The following FOXP1 variants were observed in gnomAD, a reference collection of about 807,000 sequenced individuals.
FOXP1 encodes the protein forkhead box protein P1.
FOXP1 carries 15 observed loss-of-function variants against 98.2 expected under a neutral mutation model. That is an observed-to-expected ratio of 0.15 (90% CI 0.10 to 0.24). The LOEUF is 0.24. Among genes scored for constraint, FOXP1 ranks in the 10% least tolerant of loss-of-function variants. FOXP1 has a pLI of 1.00. For synonymous variants in FOXP1, 371 were observed against 314.5 expected (o/e 1.18, Z -1.90); for missense variants, 633 against 848.5 (o/e 0.75, Z 3.15).
intron 3 of FOXP1, among the ~76,000 whole-genome samples, chr3:71,404,727 T>C (rs1017898193): frequency 1.3e-5 from 2 of 152,170 alleles, no homozygotes; most frequent in Non-Finnish European, 2.9e-5. Flanking sequence ...ATTGTATACT[T>C]TCACCTTTTC....
intron 11 of FOXP1, 60 bp from the exon 12 acceptor site, chr3:71,015,713 G>A: frequency 8.1e-7 from 1 of 1,239,380 alleles, no homozygotes; most frequent in Non-Finnish European, 1.2e-6. Flanking sequence ...CATTCCACCA[G>A]ACGAGGATAA....
chr3:71,162,489 T>A (rs934687139), intron 6 of FOXP1, among the ~76,000 whole-genome samples: 2 of 152,262 alleles, frequency 1.3e-5, no homozygotes, highest in African/African-American at 4.8e-5. Flanking sequence ...TTAAGATGGT[T>A]AAGACTTTTT....
intron 7 of FOXP1, among the ~76,000 whole-genome samples, chr3:71,067,989 T>TTA (rs1553721699): frequency 0.15 from 19,698 of 134,522 alleles, 1,481 homozygotes; most frequent in East Asian, 0.27. Flanking sequence ...TGGATAATTA[T>TTA]AAAAAAAAAA....
intron 3 of FOXP1, among the ~76,000 whole-genome samples, chr3:71,414,671 G>A (rs2083069920): frequency 6.6e-6 from 1 of 152,208 alleles, no homozygotes; most frequent in African/African-American, 2.4e-5. Context: ...AAGGGGAGAG[G>A]GCACGAGGAG....
chr3:71,184,292 T>C (rs376190366), intron 6 of FOXP1, among the ~76,000 whole-genome samples: 33 of 152,350 alleles, frequency 2.2e-4, no homozygotes, highest in African/African-American at 7.9e-4. Flanking sequence ...AGCCTCTTGA[T>C]GTCCAATGCC....
chr3:71,288,995 T>G (rs1576787177), intron 5 of FOXP1, among the ~76,000 whole-genome samples: 1 of 151,904 alleles, frequency 6.6e-6, no homozygotes, highest in Non-Finnish European at 1.5e-5. Flanking sequence ...CTTGGCAGAA[T>G]TTGATATGGC....
intron 5 of FOXP1, among the ~76,000 whole-genome samples, chr3:71,204,625 G>A (rs1224403432): frequency 1.3e-5 from 2 of 152,186 alleles, no homozygotes; most frequent in African/African-American, 4.8e-5. Context: ...GCAATGAGGA[G>A]ATGAGGCACT....
At chr3:70,965,749 A>G (rs2034627405) in intron 20 of FOXP1, 141 bp downstream of exon 20, 5 of 855,268 alleles carry the variant, frequency 5.8e-6, no homozygotes, top group South Asian at 1.4e-5. Context: ...CATTTCTTGA[A>G]GTACAAACTT....
intron 6 of FOXP1, among the ~76,000 whole-genome samples, chr3:71,122,598 G>T (rs1264285069): frequency 6.6e-6 from 1 of 152,180 alleles, no homozygotes; most frequent in South Asian, 2.1e-4. Flanking sequence ...ACACTGTATT[G>T]AATTGCTTAC....
At chr3:71,549,047 A>G (rs1206410264) in intron 2 of FOXP1, among the ~76,000 whole-genome samples, 1 of 152,202 alleles carries the variant, frequency 6.6e-6, no homozygotes, top group East Asian at 1.9e-4. Context: ...ACTGCCTCAA[A>G]GGTGTATTAA....
intron 3 of FOXP1, among the ~76,000 whole-genome samples, chr3:71,458,879 C>T (rs1233528936): frequency 6.6e-6 from 1 of 152,216 alleles, no homozygotes; most frequent in Non-Finnish European, 1.5e-5. Flanking sequence ...CTTCACAGCA[C>T]TGACAGTCAC....
rs773791454 is a variant in FOXP1 at position 71,274,699 on chromosome 3, C to T, written c.-12+25121G>A. On this transcript the variant is annotated intron_variant, in intron 5 of 20. Transcript: ENST00000649528. ...TTAGCATTACAGGAGACAAGCCATACGGAATCGAAAGTCAGGAGTCAGAAG... is the reference window on the plus strand; with the variant it reads ...TTAGCATTACAGGAGACAAGCCATATGGAATCGAAAGTCAGGAGTCAGAAG... 1.6e-4 allele frequency among the ~76,000 whole-genome samples: 24 copies of T among 152,136 alleles called. 1 individual carries two copies. Among genetic ancestry groups the T allele is most frequent in the Admixed American group, 1.0e-3 (16 of 15,270 alleles).
chr3:71,577,160 G>C (rs2047786152), intron 2 of FOXP1, among the ~76,000 whole-genome samples: 2 of 152,122 alleles, frequency 1.3e-5, no homozygotes, highest in Non-Finnish European at 2.9e-5. Context: ...CAAACTGACT[G>C]TAATTAATAA....
intron 3 of FOXP1, among the ~76,000 whole-genome samples, chr3:71,362,271 A>C (rs1223484491): frequency 6.6e-6 from 1 of 152,142 alleles, no homozygotes; most frequent in Non-Finnish European, 1.5e-5. Flanking sequence ...TCCTGGGTTC[A>C]AGCAATTCTT....
chr3:71,352,493 A>AC (rs2077863948), intron 4 of FOXP1, among the ~76,000 whole-genome samples: 2 of 149,844 alleles, frequency 1.3e-5, no homozygotes, highest in Non-Finnish European at 3.0e-5. Flanking sequence ...AAAAAAAAAA[A>AC]CACAACAGGC....
At position 70,956,533 on chromosome 3, in the gene FOXP1, GGTAT is replaced by G. The variant is rs1248044168; in HGVS notation, c.*2710_*2713del. ...ATCATTCCCTAAAGGTTTGAACTGA[GGTAT>G]GCGTACTAACAGTTTCTCATGCTGT... On this transcript the variant is annotated 3_prime_UTR_variant, in exon 21 of 21. Transcript: ENST00000649528. 4 of 227,652 alleles carry G rather than the reference GGTAT, an allele frequency of 1.8e-5. No individual in the cohort carries two copies. The highest frequency in any genetic ancestry group is 3.5e-5 in the Non-Finnish European group (4 of 115,300). 14.1% of individuals were successfully genotyped at this position (227,652 alleles called of 1,614,324 possible).
chr3:71,354,285 A>T (rs1011212908), intron 4 of FOXP1, among the ~76,000 whole-genome samples: 2 of 152,144 alleles, frequency 1.3e-5, no homozygotes, highest in African/African-American at 4.8e-5. Flanking sequence ...CTCCAGAAAA[A>T]AAAAAAGAGA....
At chr3:71,518,074 A>G (rs1390668246) in intron 2 of FOXP1, among the ~76,000 whole-genome samples, 1 of 152,206 alleles carries the variant, frequency 6.6e-6, no homozygotes, top group Non-Finnish European at 1.5e-5. Flanking sequence ...CTCTTAATGA[A>G]CAACTGCTTG....
At position 71,477,487 on chromosome 3, in the gene FOXP1, TTA is replaced by T. The variant is rs574784919; in HGVS notation, c.-168+15937_-168+15938del. Among the ~76,000 whole-genome samples the T allele has an allele frequency of 4.7e-4, 72 of 152,372 alleles. No homozygotes were observed. In the South Asian group the frequency reaches 0.015, roughly 31 times the overall value. On this transcript the variant is annotated intron_variant, in intron 3 of 20. Coordinates refer to ENST00000649528, the MANE Select transcript of FOXP1 (RefSeq NM_001349338.3). ...AAATATATTTTTAAATAGCTCTCTA[TTA>T]TTTATAGCAAAAAGTAAAAATATAA... is the stretch of plus-strand genomic sequence containing the variant.
Sources: gnomAD v4.1 joint callset for allele counts (sites outside exome capture counted in the v4.1 genomes callset) on GRCh38, gnomAD v4.1.1 for gene constraint, MANE v1.5 for transcripts, NCBI Gene and HGNC (gene_info 2026-07-23, HGNC 2026-07-21) for gene names.